The following SPTBN1 variants were observed in gnomAD, a reference collection of about 807,000 sequenced individuals.
SPTBN1 encodes spectrin beta chain, non-erythrocytic 1.
SPTBN1 carries 32 observed loss-of-function variants against 266.4 expected under a neutral mutation model. The ratio of observed to expected loss-of-function variants is 0.12; its 90% CI spans 0.09 to 0.16. SPTBN1 has a LOEUF of 0.16. SPTBN1 is among the 10% of genes least tolerant of loss of function. The pLI is 1.00. For synonymous variants in SPTBN1, 1,336 were observed against 1,162.2 expected, an observed-to-expected ratio of 1.15 and a Z score of -3.04; for missense variants, 2,296 against 3,067.1, an observed-to-expected ratio of 0.75 and a Z score of 5.94.
chr2:54,552,799 C>G (rs921993545), intron 2 of SPTBN1, among the ~76,000 whole-genome samples: 1 of 152,196 alleles, frequency 6.6e-6, no homozygotes, highest in African/African-American at 2.4e-5. Context: ...CTTCACATGT[C>G]CAAGCCCTGA....
chr2:54,530,353 CTTT>C (rs549491367), intron 2 of SPTBN1, among the ~76,000 whole-genome samples: 35 of 73,906 alleles, frequency 4.7e-4, no homozygotes, highest in Admixed American at 2.4e-3. Context: ...TTGTAAAAAA[CTTT>C]TTTTTTTTTT....
At chr2:54,580,559 T>C (rs2104568657) in intron 2 of SPTBN1, among the ~76,000 whole-genome samples, 1 of 151,538 alleles carries the variant, frequency 6.6e-6, no homozygotes, top group Admixed American at 6.6e-5. Context: ...TGTTGGAGGA[T>C]GGATTATAAT....
chr2:54,593,823 C>CTTTTTTTTTTTTTTTTTTTTTTT (rs374877354), intron 2 of SPTBN1, among the ~76,000 whole-genome samples: 1 of 64,782 alleles, frequency 1.5e-5, no homozygotes. Flanking sequence ...CATGGAAACA[C>CTTTTTTTTTTTTTTTTTTTTTTT]TTTTTTTTTT....
intron 17 of SPTBN1, among the ~76,000 whole-genome samples, chr2:54,636,856 T>G (rs74392901): frequency 0.027 from 4,046 of 152,360 alleles, 166 homozygotes; most frequent in African/African-American, 0.085. Context: ...GCAGTGCTTT[T>G]GAATCCTCAG....
rs200274009 is a variant in SPTBN1 at position 54,647,249 on chromosome 2, G to A, written c.4985G>A (p.Ser1662Asn). The part of the protein sequence containing the change: ...SKTSRALVAD[S>N]HPESERISMR... Reference sequence around the variant, plus strand: ...ACCAGCCGGGCCCTGGTGGCCGACAGCCATCCTGAAAGGTGAGCGCTGCTT... The same window carrying A: ...ACCAGCCGGGCCCTGGTGGCCGACAACCATCCTGAAAGGTGAGCGCTGCTT... The change falls in exon 24 of 36, where the codon AGC becomes AAC. Residue 1662 changes from serine (S) to asparagine (N), a missense_variant. This residue lies in a region of SPTBN1 where 644 missense variants were observed against 745.3 expected (regional missense o/e 0.86). Transcript: ENST00000356805. 4.3e-6 allele frequency: 7 copies of A among 1,613,920 alleles called. No individual in the cohort carries two copies. In the East Asian group the frequency reaches 1.1e-4, roughly 26 times the overall value.
intron 2 of SPTBN1, among the ~76,000 whole-genome samples, chr2:54,541,313 A>G (rs1671924071): frequency 6.6e-6 from 1 of 152,236 alleles, no homozygotes. Flanking sequence ...CACACTGTCC[A>G]TGGAATTATA....
chr2:54,614,605 C>T (rs1677461435), intron 4 of SPTBN1, among the ~76,000 whole-genome samples: 1 of 152,052 alleles, frequency 6.6e-6, no homozygotes, highest in South Asian at 2.1e-4. Flanking sequence ...GAGTTCGGGA[C>T]CAACCTGGCC....
chr2:54,667,860 A>G (rs1681466339), intron 35 of SPTBN1, among the ~76,000 whole-genome samples: 1 of 152,148 alleles, frequency 6.6e-6, no homozygotes, highest in East Asian at 1.9e-4. Context: ...AGGATCCCTT[A>G]AAGTCGATGG....
intron 17 of SPTBN1, 55 bp downstream of exon 17, chr2:54,632,823 C>T (rs1678847154): frequency 1.3e-6 from 2 of 1,584,650 alleles, no homozygotes; most frequent in South Asian, 2.3e-5. Flanking sequence ...TCTCAAACTT[C>T]TGAATCATTG....
chr2:54,558,476 A>G lies in SPTBN1; in HGVS notation c.148+31910A>G. Reference sequence around the variant, plus strand: ...TGGCCATATTTAAAAGTTCTGAAGTAGAACCTGCGCCTCCTCTCTGCTTCT... The same window carrying G: ...TGGCCATATTTAAAAGTTCTGAAGTGGAACCTGCGCCTCCTCTCTGCTTCT... On this transcript the variant is annotated intron_variant, in intron 2 of 35. Transcript: ENST00000356805. The surrounding 1 kb of genome is among the most constrained non-coding windows in gnomAD (Gnocchi z 4.6). 1 of 1,110,492 alleles carries G rather than the reference A, an allele frequency of 9.0e-7. No individual in the cohort carries two copies. The highest frequency in any genetic ancestry group is 1.1e-6 in the Non-Finnish European group (1 of 909,664). The allele number at this position is 1,110,492 out of a possible 1,614,324, so 68.8% of individuals were successfully genotyped here. A position where few individuals can be genotyped will look rare whatever the true frequency, so the allele number is the denominator to read the frequency against.
At chr2:54,568,039 T>G (rs7589910) in intron 2 of SPTBN1, among the ~76,000 whole-genome samples, 292 of 152,288 alleles carry the variant, frequency 1.9e-3, no homozygotes, top group Non-Finnish European at 3.1e-3. Context: ...TAAGTCAGAA[T>G]CTCGTCTTTT....
intron 1 of SPTBN1, among the ~76,000 whole-genome samples, chr2:54,484,996 G>A (rs1328324331): frequency 6.6e-6 from 1 of 150,462 alleles, no homozygotes; most frequent in Admixed American, 6.6e-5. Flanking sequence ...TGTGTTAAAT[G>A]TTTATGAAAG....
rs201363287 is a variant in SPTBN1, at chr2:54,643,125, A to G, written c.4001A>G (p.Glu1334Gly). 2 of 1,614,028 alleles carry G rather than the reference A, an allele frequency of 1.2e-6. No homozygotes were observed. The highest frequency in any genetic ancestry group is 1.7e-6 in the Non-Finnish European group (2 of 1,179,996). The change falls in exon 19 of 36, where the codon GAG becomes GGG. Residue 1334 changes from glutamate to glycine, a missense_variant. Glu to Gly is a moderately conservative substitution (Grantham distance 98). Coordinates refer to ENST00000356805, the MANE Select transcript of SPTBN1 (RefSeq NM_003128.3). ...ASNKEWLDKIEKEGMQLISEK... is the reference protein window; with the variant it reads ...ASNKEWLDKIGKEGMQLISEK... ...AACAAAGAATGGCTTGACAAAATCG[A>G]GAAGGTGAGTTAAAACATTTGATGT...
intron 8 of SPTBN1, 36 bp downstream of exon 8, chr2:54,621,548 A>C (rs1307374603): frequency 3.9e-6 from 6 of 1,531,464 alleles, no homozygotes; most frequent in Non-Finnish European, 5.4e-6. Context: ...TGTGAGACAT[A>C]ATTAAGGTTA....
At chr2:54,528,106 A>G (rs973801744) in intron 2 of SPTBN1, 1 of 152,650 alleles carries the variant, frequency 6.6e-6, no homozygotes, top group African/African-American at 2.4e-5. Context: ...GGGCTTCATT[A>G]TCATTCATTA....
intron 1 of SPTBN1, among the ~76,000 whole-genome samples, chr2:54,484,206 T>TA (rs774462511): frequency 2.0e-5 from 3 of 152,068 alleles, no homozygotes; most frequent in African/African-American, 4.8e-5. Context: ...CAAAACCAAA[T>TA]ATGTCTGTTG....
chr2:54,646,142 G>T lies in SPTBN1; in HGVS notation c.4585-52G>T, dbSNP rs140010544. ...TGGCCCTAACAGCTTGACATAAGCA[G>T]CAGACGGCTGCCATTTAGCAAGCCT... On this transcript the variant is annotated intron_variant, in intron 22 of 35. Coordinates refer to ENST00000356805, the MANE Select transcript of SPTBN1 (RefSeq NM_003128.3). The surrounding 1 kb of genome is among the most constrained non-coding windows in gnomAD (Gnocchi z 4.4). The T allele has an allele frequency of 1.3e-5, 21 of 1,592,512 alleles. No individual in the cohort carries two copies. The East Asian group carries it at 4.5e-4, about 34-fold the overall frequency.
In SPTBN1 at chr2:54,629,441, C is replaced by T; in HGVS notation, c.2307C>T (p.Ser769=). The part of the protein sequence containing the change: ...WMLDILKIVS[S]SDVGHDEYST... ...TGGACATCCTCAAGATTGTCTCCAG[C>T]AGCGACGTGGGCCACGATGAGTATT... is the stretch of plus-strand genomic sequence containing the variant. Residue 769 remains serine (S), a synonymous_variant, in exon 14 of 36, where the codon AGC becomes AGT. Transcript: ENST00000356805. 6.2e-7 allele frequency: 1 copy of T among 1,614,162 alleles called. No individual in the cohort carries two copies. Among genetic ancestry groups the T allele is most frequent in the Non-Finnish European group, 8.5e-7 (1 of 1,180,044 alleles).
intron 2 of SPTBN1, chr2:54,559,003 G>C (rs1425707284): frequency 1.6e-6 from 2 of 1,226,060 alleles, no homozygotes; most frequent in African/African-American, 3.1e-5. Context: ...AGACCCTGTG[G>C]TTGGCTGCGG....
Sources: gnomAD v4.1 joint callset for allele counts (sites outside exome capture counted in the v4.1 genomes callset) on GRCh38, gnomAD v4.1.1 for gene constraint, gnomAD v4.1.1 regional missense constraint, Gnocchi (gnomAD v3.1) non-coding constraint, MANE v1.5 for transcripts, NCBI Gene and HGNC (gene_info 2026-07-23, HGNC 2026-07-21) for gene names.